Variants in RGS6 observed in about 807,000 individuals in gnomAD.
RGS6 encodes the protein regulator of G protein signaling 6.
RGS6 carries 30 observed loss-of-function variants against 78.5 expected under a neutral mutation model. The observed-to-expected ratio is 0.38, with a 90% CI of 0.29 to 0.52. The LOEUF (loss-of-function observed/expected upper bound fraction) is 0.52. RGS6 is among the 20% of genes least tolerant of loss of function. The pLI is 0.85. For synonymous variants in RGS6, 206 were observed against 206.0 expected (o/e 1.00, Z 0.00); for missense variants, 495 against 609.7 (o/e 0.81, Z 1.98).
intron 2 of RGS6, among the ~76,000 whole-genome samples, chr14:72,324,432 G>A (rs2073113861): frequency 6.6e-6 from 1 of 151,948 alleles, no homozygotes; most frequent in African/African-American, 2.4e-5. Flanking sequence ...ATGTATACAT[G>A]TGCCATGTTG....
In RGS6 at chr14:71,951,798, T is replaced by C. The variant is rs189058591; in HGVS notation, c.-20-12974T>C. On this transcript the variant is annotated intron_variant, in intron 1 of 17. Transcript: ENST00000553525. ...CTGTCAGCATTTTTGTATCCCTCTA[T>C]ATTGTAAAATTATTGCACATCTTTT... Among the ~76,000 whole-genome samples the C allele has an allele frequency of 7.1e-4, 108 of 152,322 alleles. 1 individual carries two copies. The highest frequency in any genetic ancestry group is 3.4e-3 in the Middle Eastern group (1 of 294).
At chr14:72,193,208 G>A (rs2097350717) in intron 2 of RGS6, among the ~76,000 whole-genome samples, 1 of 152,126 alleles carries the variant, frequency 6.6e-6, no homozygotes, top group African/African-American at 2.4e-5. Flanking sequence ...TGGCCAGGCT[G>A]GTCTCGAACT....
chr14:72,452,591 C>T (rs2095524519), intron 3 of RGS6, among the ~76,000 whole-genome samples: 1 of 152,256 alleles, frequency 6.6e-6, no homozygotes, highest in African/African-American at 2.4e-5. Flanking sequence ...TGAAGCCCCT[C>T]TGCTGGATCC....
At chr14:72,488,674 G>C (rs1398137301) in intron 12 of RGS6, among the ~76,000 whole-genome samples, 1 of 152,196 alleles carries the variant, frequency 6.6e-6, no homozygotes, top group East Asian at 1.9e-4. Context: ...GTAATAGGCA[G>C]CTGGAGCCTG....
intron 2 of RGS6, among the ~76,000 whole-genome samples, chr14:72,322,106 A>C (rs2152519679): frequency 6.6e-6 from 1 of 152,168 alleles, no homozygotes; most frequent in East Asian, 1.9e-4. Context: ...TAAGTACTTA[A>C]ATTAATGAAC....
chr14:72,495,696 G>A (rs1223077407), intron 13 of RGS6, among the ~76,000 whole-genome samples: 1 of 152,152 alleles, frequency 6.6e-6, no homozygotes, highest in African/African-American at 2.4e-5. Context: ...TATGGAAACT[G>A]AGGCACAGAG....
intron 2 of RGS6, among the ~76,000 whole-genome samples, chr14:71,965,434 T>C (rs1469901626): frequency 6.6e-6 from 1 of 152,106 alleles, no homozygotes; most frequent in Non-Finnish European, 1.5e-5. Context: ...TGAACTCAGT[T>C]TTAAAATATG....
At chr14:72,592,592 G>T in the RGS6 span, among the ~76,000 whole-genome samples, 1 of 152,324 alleles carries the variant, frequency 6.6e-6, no homozygotes, top group African/African-American at 2.4e-5. Flanking sequence ...GTATAAAATG[G>T]TCTGGCTTTT....
At chr14:72,396,109 C>G (rs186364912) in intron 3 of RGS6, among the ~76,000 whole-genome samples, 1 of 152,146 alleles carries the variant, frequency 6.6e-6, no homozygotes, top group Non-Finnish European at 1.5e-5. Flanking sequence ...AATCGCCACA[C>G]CAACTTCCAC....
chr14:71,985,343 C>T (rs567373915), intron 2 of RGS6, among the ~76,000 whole-genome samples: 6 of 152,250 alleles, frequency 3.9e-5, no homozygotes, highest in African/African-American at 7.2e-5. Flanking sequence ...AGAATGGTCT[C>T]GATCTCTTGA....
intron 2 of RGS6, among the ~76,000 whole-genome samples, chr14:72,350,886 G>A (rs896251097): frequency 6.6e-6 from 1 of 152,136 alleles, no homozygotes; most frequent in Non-Finnish European, 1.5e-5. Flanking sequence ...ATAATACTTA[G>A]AATAGTACCT....
chr14:72,029,292 C>T (rs1372583031), intron 2 of RGS6, among the ~76,000 whole-genome samples: 1 of 152,192 alleles, frequency 6.6e-6, no homozygotes. Context: ...CAACAGTGGC[C>T]TTGCTGAGGA....
chr14:72,594,081 T>C, the RGS6 span, among the ~76,000 whole-genome samples: 1 of 152,138 alleles, frequency 6.6e-6, no homozygotes, highest in Non-Finnish European at 1.5e-5. Flanking sequence ...AAAGATAGTG[T>C]GGGCTTATGA....
At chr14:72,494,665 T>A (rs553881923) in intron 12 of RGS6, among the ~76,000 whole-genome samples, 1 of 152,254 alleles carries the variant, frequency 6.6e-6, no homozygotes, top group Non-Finnish European at 1.5e-5. Flanking sequence ...TGGAAAAAAA[T>A]GCAAATGTTT....
the RGS6 span, among the ~76,000 whole-genome samples, chr14:72,607,964 T>C: frequency 6.6e-6 from 1 of 152,194 alleles, no homozygotes; most frequent in Non-Finnish European, 1.5e-5. Context: ...AGTGCAGCAC[T>C]CACTTAGGGG....
chr14:72,198,722 T>C (rs1414088551), intron 2 of RGS6, among the ~76,000 whole-genome samples: 2 of 152,226 alleles, frequency 1.3e-5, no homozygotes, highest in Non-Finnish European at 2.9e-5. Flanking sequence ...GTCATATAGT[T>C]GTAACCCAGG....
At chr14:71,943,219 T>TA (rs1445817364) in intron 1 of RGS6, among the ~76,000 whole-genome samples, 2 of 152,194 alleles carry the variant, frequency 1.3e-5, no homozygotes, top group Non-Finnish European at 2.9e-5. Context: ...ACAGGCATTT[T>TA]AAAATCCTGT....
intron 2 of RGS6, among the ~76,000 whole-genome samples, chr14:72,202,042 A>T (rs915182126): frequency 6.6e-6 from 1 of 152,228 alleles, no homozygotes; most frequent in East Asian, 1.9e-4. Flanking sequence ...ATAGCAGTTA[A>T]ATCTAGACAC....
rs926899849 is a variant in RGS6, at chr14:72,565,500, G to A, written c.*3033G>A. Reference sequence around the variant, plus strand: ...GTGATGCGTCAGCTTTGTTCTCCTGGGAAGGTGTTGCTATACCCCAGGAAC... The same window carrying A: ...GTGATGCGTCAGCTTTGTTCTCCTGAGAAGGTGTTGCTATACCCCAGGAAC... On this transcript the variant is annotated 3_prime_UTR_variant, in exon 18 of 18. Coordinates refer to ENST00000553525, the MANE Select transcript of RGS6 (RefSeq NM_001204424.2). 5.3e-5 allele frequency: 8 copies of A among 151,590 alleles called. No individual in the cohort carries two copies. The highest frequency in any genetic ancestry group is 1.9e-4 in the African/African-American group (8 of 41,176). 9.4% of individuals were successfully genotyped at this position (151,590 alleles called of 1,614,324 possible). A position where few individuals can be genotyped will look rare whatever the true frequency, so the allele number is the denominator to read the frequency against.
Sources: gnomAD v4.1 joint callset for allele counts (sites outside exome capture counted in the v4.1 genomes callset) on GRCh38, gnomAD v4.1.1 for gene constraint, MANE v1.5 for transcripts, NCBI Gene and HGNC (gene_info 2026-07-23, HGNC 2026-07-21) for gene names.